GRID1: variants seen among roughly 807,000 people sequenced by gnomAD.
The protein encoded by GRID1 is glutamate receptor ionotropic, delta-1.
In GRID1, 28 loss-of-function variants were observed where a neutral mutation model predicts 98.0. The ratio of observed to expected loss-of-function variants is 0.29; its 90% CI spans 0.21 to 0.39. The LOEUF (loss-of-function observed/expected upper bound fraction) is 0.39. Ranked by LOEUF, GRID1 falls within the 10% of genes least tolerant of loss-of-function variation. GRID1 has a pLI of 1.00. For synonymous variants in GRID1, 553 were observed against 538.5 expected (o/e 1.03, Z -0.37); for missense variants, 1,111 against 1,340.5 (o/e 0.83, Z 2.67).
chr10:85,641,543 G>A (rs1843118191), intron 13 of GRID1, among the ~76,000 whole-genome samples: 1 of 152,222 alleles, frequency 6.6e-6, no homozygotes, highest in African/African-American at 2.4e-5. Context: ...CCCATGGGAA[G>A]AGGCACGAGT....
At chr10:85,625,165 T>A (rs1267361172) in intron 13 of GRID1, among the ~76,000 whole-genome samples, 2 of 152,242 alleles carry the variant, frequency 1.3e-5, no homozygotes, top group Non-Finnish European at 2.9e-5. Flanking sequence ...GTGATAATTT[T>A]CTAAACAAGT....
At chr10:85,979,559 CT>C (rs1842517574) in intron 4 of GRID1, among the ~76,000 whole-genome samples, 1 of 152,216 alleles carries the variant, frequency 6.6e-6, no homozygotes, top group African/African-American at 2.4e-5. Context: ...CATCTTCCCT[CT>C]GTGTATGTCC....
At chr10:85,726,817 A>C (rs1430763506) in intron 10 of GRID1, among the ~76,000 whole-genome samples, 1 of 152,250 alleles carries the variant, frequency 6.6e-6, no homozygotes, top group Non-Finnish European at 1.5e-5. Context: ...GCGTGACGGA[A>C]GTATTCTAAA....
chr10:85,671,437 G>T (rs1841083906), intron 12 of GRID1, among the ~76,000 whole-genome samples: 1 of 152,024 alleles, frequency 6.6e-6, no homozygotes, highest in South Asian at 2.1e-4. Context: ...GATTTTTGAT[G>T]TTACTATTGT....
At chr10:85,689,146 C>A (rs960846524) in intron 12 of GRID1, among the ~76,000 whole-genome samples, 13 of 152,130 alleles carry the variant, frequency 8.5e-5, no homozygotes, top group African/African-American at 2.9e-4. Context: ...ATACAATAAT[C>A]ATAAAAATGA....
chr10:86,121,445 TAATC>T (rs1309882371), intron 4 of GRID1, among the ~76,000 whole-genome samples: 9 of 8,862 alleles, frequency 1.0e-3, no homozygotes, highest in Non-Finnish European at 2.5e-3. Flanking sequence ...ATCATTAACA[TAATC>T]ATCATCATCA....
intron 4 of GRID1, among the ~76,000 whole-genome samples, chr10:86,020,008 C>T (rs976118170): frequency 6.6e-6 from 1 of 152,212 alleles, no homozygotes; most frequent in Non-Finnish European, 1.5e-5. Flanking sequence ...AACTGACTTA[C>T]CATGGGGAAA....
At chr10:86,341,562 G>C (rs550115311) in intron 2 of GRID1, among the ~76,000 whole-genome samples, 2 of 152,250 alleles carry the variant, frequency 1.3e-5, no homozygotes, top group South Asian at 4.1e-4. Context: ...CCTCTCCTGC[G>C]GCTCCCAGAG....
At chr10:86,014,650 T>C (rs1842959341) in intron 4 of GRID1, among the ~76,000 whole-genome samples, 1 of 152,230 alleles carries the variant, frequency 6.6e-6, no homozygotes, top group Non-Finnish European at 1.5e-5. Flanking sequence ...GGCAAGTATG[T>C]AGATGCCATC....
intron 2 of GRID1, among the ~76,000 whole-genome samples, chr10:86,235,389 A>T (rs1159334411): frequency 2.0e-5 from 3 of 152,238 alleles, no homozygotes; most frequent in Non-Finnish European, 4.4e-5. Flanking sequence ...ATCATTTTAA[A>T]CAGCTTTATT....
intron 8 of GRID1, among the ~76,000 whole-genome samples, chr10:85,818,072 C>T (rs1268795533): frequency 6.6e-6 from 1 of 152,154 alleles, no homozygotes; most frequent in Non-Finnish European, 1.5e-5. Flanking sequence ...TTGGTTCTCA[C>T]ATGCATGCTG....
intron 12 of GRID1, among the ~76,000 whole-genome samples, chr10:85,650,559 C>T (rs555975378): frequency 1.2e-4 from 18 of 152,142 alleles, no homozygotes; most frequent in African/African-American, 3.4e-4. Flanking sequence ...CATCAAGGGG[C>T]GAGTGATCAG....
chr10:85,833,210 C>G lies in GRID1; in HGVS notation c.1233+21286G>C, dbSNP rs73332670. 5.7e-3 allele frequency among the ~76,000 whole-genome samples: 866 copies of G among 152,306 alleles called. 8 individuals carry two copies. The highest frequency in any genetic ancestry group is 0.02 in the African/African-American group (814 of 41,558). ...GATCCTGCCACAAGCAGTCCCCAGCCAGGGAAGTGCCCTCCTTTCCCTAGA... is the reference window on the plus strand; with the variant it reads ...GATCCTGCCACAAGCAGTCCCCAGCGAGGGAAGTGCCCTCCTTTCCCTAGA... On this transcript the variant is annotated intron_variant, in intron 8 of 15. Transcript: ENST00000327946.
intron 2 of GRID1, among the ~76,000 whole-genome samples, chr10:86,231,606 C>T (rs1183514022): frequency 1.3e-5 from 2 of 152,186 alleles, no homozygotes; most frequent in African/African-American, 2.4e-5. Flanking sequence ...GTCATGTTAT[C>T]TCTGTAGGCC....
At chr10:86,272,848 A>C (rs1259624640) in intron 2 of GRID1, among the ~76,000 whole-genome samples, 2 of 152,278 alleles carry the variant, frequency 1.3e-5, no homozygotes, top group East Asian at 1.9e-4. Context: ...GAAAAGAAAT[A>C]AGAAGACCCT....
intron 4 of GRID1, among the ~76,000 whole-genome samples, chr10:86,034,300 A>G (rs889792387): frequency 7.2e-5 from 11 of 152,168 alleles, no homozygotes; most frequent in Non-Finnish European, 1.5e-5. Context: ...ATATTTTTAA[A>G]CAAGATCTGT....
intron 4 of GRID1, among the ~76,000 whole-genome samples, chr10:86,092,652 A>C (rs1844166356): frequency 6.6e-6 from 1 of 152,230 alleles, no homozygotes; most frequent in Admixed American, 6.5e-5. Context: ...GACAGTGTAT[A>C]ATGGCAAAAG....
At chr10:85,647,127 G>C in intron 13 of GRID1, 75 bp downstream of exon 13, 1 of 1,150,438 alleles carries the variant, frequency 8.7e-7, no homozygotes, top group Non-Finnish European at 1.3e-6. Flanking sequence ...GCCCCTGGAG[G>C]TGTCTCCCAC....
chr10:85,909,815 C>T (rs577642752), intron 5 of GRID1, among the ~76,000 whole-genome samples: 15 of 152,284 alleles, frequency 9.9e-5, no homozygotes, highest in South Asian at 6.2e-4. Flanking sequence ...GTGACAGATA[C>T]GTTCACTACC....
Sources: allele counts gnomAD v4.1 joint callset (sites outside exome capture counted in the v4.1 genomes callset), GRCh38; gene constraint gnomAD v4.1.1; transcripts MANE v1.5; gene names NCBI Gene and HGNC (gene_info 2026-07-23, HGNC 2026-07-21).